Variants in AGBL1 observed in about 807,000 individuals in gnomAD.
AGBL1 encodes cytosolic carboxypeptidase 4.
Under a neutral mutation model 118.9 loss-of-function variants are expected in AGBL1, and 130 were observed. The observed-to-expected ratio is 1.09, with a 90% confidence interval of 0.95 to 1.26. The LOEUF (loss-of-function observed/expected upper bound fraction) is 1.26, where lower values mean the gene tolerates loss of function less well. AGBL1 is among the 50% of genes most tolerant of loss of function. The pLI, the probability that AGBL1 is intolerant of heterozygous loss-of-function variation, is 0.00. For missense variants in AGBL1, 1,584 were observed against 1,298.1 expected, an observed-to-expected ratio of 1.22 and a Z score of -3.38; for synonymous variants, 555 against 478.9, an observed-to-expected ratio of 1.16 and a Z score of -2.08.
chr15:86,258,099 C>T (rs756071634), intron 9 of AGBL1, 68 bp downstream of exon 9: 339 of 1,516,690 alleles, frequency 2.2e-4, no homozygotes, highest in Non-Finnish European at 2.9e-4. Context: ...ATATTACTTC[C>T]TGTGTTTGCC....
chr15:86,716,948 G>T (rs2086648173), intron 22 of AGBL1, among the ~76,000 whole-genome samples: 1 of 152,306 alleles, frequency 6.6e-6, no homozygotes, highest in South Asian at 2.1e-4. Context: ...CTATGCTTCA[G>T]AAGTTTTTGT....
chr15:86,672,621 A>C (rs1043830270), intron 21 of AGBL1, among the ~76,000 whole-genome samples: 2 of 152,132 alleles, frequency 1.3e-5, no homozygotes, highest in African/African-American at 4.8e-5. Context: ...CAAGCCAGCC[A>C]TTCTAGAATT....
chr15:86,198,141 C>A (rs1179060639), intron 5 of AGBL1, among the ~76,000 whole-genome samples: 1 of 152,110 alleles, frequency 6.6e-6, no homozygotes, highest in Non-Finnish European at 1.5e-5. Flanking sequence ...ACAGAATTTG[C>A]CTTGCTAGGT....
chr15:86,083,604 T>G (rs1324849549), intron 1 of AGBL1: 1 of 152,220 alleles, frequency 6.6e-6, no homozygotes, highest in Non-Finnish European at 1.5e-5. Flanking sequence ...GCTTCCTGTC[T>G]GGAGTAAGCC....
At chr15:86,819,820 G>A (rs1366408102) in intron 22 of AGBL1, among the ~76,000 whole-genome samples, 1 of 152,068 alleles carries the variant, frequency 6.6e-6, no homozygotes, top group African/African-American at 2.4e-5. Flanking sequence ...TCAAAAAAGA[G>A]CCCATATAGC....
chr15:86,253,571 C>T (rs1410186400), intron 7 of AGBL1, among the ~76,000 whole-genome samples: 4 of 151,510 alleles, frequency 2.6e-5, no homozygotes, highest in Admixed American at 1.3e-4. Context: ...TAAGGAGGCA[C>T]GAAGGAGAAG....
At chr15:86,720,692 T>C (rs914918303) in intron 22 of AGBL1, among the ~76,000 whole-genome samples, 1 of 151,972 alleles carries the variant, frequency 6.6e-6, no homozygotes, top group Non-Finnish European at 1.5e-5. Context: ...GGGGTGAGTA[T>C]ACCGATGGGC....
At chr15:86,978,520 A>G (rs2081197586) in intron 23 of AGBL1, among the ~76,000 whole-genome samples, 1 of 152,204 alleles carries the variant, frequency 6.6e-6, no homozygotes, top group Non-Finnish European at 1.5e-5. Flanking sequence ...CAGCAAGGTA[A>G]AACAAGTAGT....
intron 22 of AGBL1, among the ~76,000 whole-genome samples, chr15:86,822,079 G>C (rs1277843916): frequency 6.6e-6 from 1 of 152,180 alleles, no homozygotes; most frequent in Non-Finnish European, 1.5e-5. Context: ...GCACAGCCCT[G>C]AAGTACAGGG....
intron 17 of AGBL1, among the ~76,000 whole-genome samples, chr15:86,358,957 T>G (rs2080762298): frequency 6.6e-6 from 1 of 151,998 alleles, no homozygotes; most frequent in Non-Finnish European, 1.5e-5. Context: ...CAAGTATTTT[T>G]TTTTTCCATT....
intron 22 of AGBL1, among the ~76,000 whole-genome samples, chr15:86,895,892 A>G (rs189110281): frequency 5.5e-4 from 83 of 152,098 alleles, no homozygotes; most frequent in African/African-American, 1.9e-3. Context: ...TGAACTTCAT[A>G]TATTTCCTAT....
intron 22 of AGBL1, among the ~76,000 whole-genome samples, chr15:86,748,094 A>T (rs940258684): frequency 6.6e-6 from 1 of 152,186 alleles, no homozygotes; most frequent in Non-Finnish European, 1.5e-5. Context: ...TAATCACATC[A>T]ACAGTGTAAA....
intron 19 of AGBL1, among the ~76,000 whole-genome samples, chr15:86,539,747 T>G (rs1042567886): frequency 1.3e-5 from 2 of 152,208 alleles, no homozygotes; most frequent in Non-Finnish European, 2.9e-5. Context: ...ATAACCTCCC[T>G]TGAGAATCCC....
At chr15:86,152,649 A>C (rs770695240) in intron 3 of AGBL1, among the ~76,000 whole-genome samples, 1 of 152,098 alleles carries the variant, frequency 6.6e-6, no homozygotes, top group Non-Finnish European at 1.5e-5. Flanking sequence ...GGCAACAAAA[A>C]CCAAAGGAAA....
At chr15:86,217,035 T>C (rs1194398919) in intron 5 of AGBL1, among the ~76,000 whole-genome samples, 1 of 152,214 alleles carries the variant, frequency 6.6e-6, no homozygotes, top group African/African-American at 2.4e-5. Flanking sequence ...ATCAAAGAAG[T>C]CTACTCCAGC....
chr15:86,949,524 CA>C (rs1477648186), intron 23 of AGBL1, among the ~76,000 whole-genome samples: 5 of 151,754 alleles, frequency 3.3e-5, no homozygotes, highest in African/African-American at 1.2e-4. Context: ...GTCAAATAAT[CA>C]AAAGAAAGTT....
At chr15:86,942,792 T>C (rs1489241793) in intron 23 of AGBL1, among the ~76,000 whole-genome samples, 1 of 152,204 alleles carries the variant, frequency 6.6e-6, no homozygotes, top group Non-Finnish European at 1.5e-5. Flanking sequence ...TTCATTCCAG[T>C]TCATTTCTAC....
intron 21 of AGBL1, among the ~76,000 whole-genome samples, chr15:86,664,604 G>A (rs2085609774): frequency 6.6e-6 from 1 of 152,008 alleles, no homozygotes; most frequent in Non-Finnish European, 1.5e-5. Flanking sequence ...TTTGCTGGGG[G>A]TTTACCTCCC....
At chr15:86,761,142 A>G (rs2078018042) in intron 22 of AGBL1, among the ~76,000 whole-genome samples, 2 of 151,976 alleles carry the variant, frequency 1.3e-5, no homozygotes, top group Non-Finnish European at 2.9e-5. Context: ...TTACTTCCGG[A>G]ATTAATTTTG....
Sources: gnomAD v4.1 joint callset for allele counts (sites outside exome capture counted in the v4.1 genomes callset) on GRCh38, gnomAD v4.1.1 for gene constraint, MANE v1.5 for transcripts, NCBI Gene and HGNC (gene_info 2026-07-23, HGNC 2026-07-21) for gene names.